LSAMP: variants seen among roughly 807,000 people sequenced by gnomAD.
The protein encoded by LSAMP is limbic system associated membrane protein.
LSAMP carries 7 observed loss-of-function variants against 38.6 expected under a neutral mutation model. That is an observed-to-expected ratio of 0.18 (90% CI 0.10 to 0.34). The LOEUF (loss-of-function observed/expected upper bound fraction) is 0.34, where lower values mean the gene tolerates loss of function less well. LSAMP is among the 10% of genes least tolerant of loss of function. The pLI is 1.00. For missense variants in LSAMP, 313 were observed against 420.0 expected (o/e 0.75, Z 2.23); for synonymous variants, 154 against 166.8 (o/e 0.92, Z 0.59).
At chr3:116,040,676 C>T (rs925408495) in intron 2 of LSAMP, among the ~76,000 whole-genome samples, 7 of 152,206 alleles carry the variant, frequency 4.6e-5, no homozygotes, top group African/African-American at 1.7e-4. Context: ...GGAGGAGTCT[C>T]CCAAGGCAGC....
intron 2 of LSAMP, among the ~76,000 whole-genome samples, chr3:116,023,166 GTC>G (rs202078474): frequency 2.8e-5 from 4 of 143,506 alleles, no homozygotes; most frequent in Non-Finnish European, 6.1e-5. Context: ...ATGTGTGTGT[GTC>G]TCTCTCTCTC....
chr3:116,205,002 A>AT (rs965547025), intron 1 of LSAMP, among the ~76,000 whole-genome samples: 7 of 142,676 alleles, frequency 4.9e-5, no homozygotes, highest in Admixed American at 2.1e-4. Flanking sequence ...CAGTATGGCC[A>AT]TTTTCACGAT....
At chr3:116,072,971 A>G (rs1481392433) in intron 2 of LSAMP, among the ~76,000 whole-genome samples, 1 of 152,000 alleles carries the variant, frequency 6.6e-6, no homozygotes, top group African/African-American at 2.4e-5. Flanking sequence ...TCATCATAAA[A>G]TCTTTGCTTC....
At position 115,818,790 on chromosome 3, in the gene LSAMP, TTATATATATATA is replaced by T. The variant is rs66654115; in HGVS notation, c.920-8388_920-8377del. On this transcript the variant is annotated intron_variant, in intron 6 of 6. Coordinates refer to ENST00000490035, the MANE Select transcript of LSAMP (RefSeq NM_002338.5). ...ATAAGAAAGAAGGAAAGTTGTACTT[TTATATATATATA>T]TATATATATATATATATATAACTGC... 3.6e-3 allele frequency among the ~76,000 whole-genome samples: 254 copies of T among 69,792 alleles called. 15 individuals carry two copies. The highest frequency in any genetic ancestry group is 0.021 in the South Asian group (28 of 1,326). 45.8% of individuals were successfully genotyped at this position (69,792 alleles called of 152,430 possible).
chr3:115,885,550 T>C (rs1406602468), intron 3 of LSAMP, among the ~76,000 whole-genome samples: 1 of 142,106 alleles, frequency 7.0e-6, no homozygotes, highest in Non-Finnish European at 1.5e-5. Context: ...GCTAAAGTCT[T>C]GGGCAGCTGG....
At chr3:115,947,456 A>G (rs563424555) in intron 3 of LSAMP, among the ~76,000 whole-genome samples, 5 of 152,192 alleles carry the variant, frequency 3.3e-5, no homozygotes, top group Non-Finnish European at 5.9e-5. Context: ...AATCTCATTC[A>G]TATTAAAATA....
At chr3:115,869,548 A>T (rs1463206256) in intron 3 of LSAMP, among the ~76,000 whole-genome samples, 1 of 151,994 alleles carries the variant, frequency 6.6e-6, no homozygotes, top group Non-Finnish European at 1.5e-5. Flanking sequence ...ATTAGTAATA[A>T]ATTAAATTTG....
intron 1 of LSAMP, among the ~76,000 whole-genome samples, chr3:116,197,157 ACACACACTCT>A (rs1405263262): frequency 1.3e-5 from 2 of 150,528 alleles, no homozygotes; most frequent in African/African-American, 5.0e-5. Context: ...ACACACACAC[ACACACACTCT>A]CTCTCTCTCT....
intron 3 of LSAMP, among the ~76,000 whole-genome samples, chr3:116,006,783 G>A (rs148297075): frequency 2.0e-3 from 307 of 152,248 alleles, no homozygotes; most frequent in African/African-American, 7.3e-3. Context: ...TTTGTTCCGA[G>A]GTGAAATTCT....
chr3:116,397,143 C>T (rs887809105), intron 1 of LSAMP, among the ~76,000 whole-genome samples: 1 of 152,110 alleles, frequency 6.6e-6, no homozygotes. Context: ...AATTGTAAGT[C>T]TTAATAGGAT....
intron 6 of LSAMP, among the ~76,000 whole-genome samples, chr3:115,829,143 C>G (rs186539579): frequency 1.6e-4 from 24 of 152,140 alleles, no homozygotes; most frequent in African/African-American, 5.5e-4. Context: ...TTGCTAGCAA[C>G]TTTTAGCAGG....
intron 1 of LSAMP, among the ~76,000 whole-genome samples, chr3:116,403,957 T>C (rs1396635120): frequency 6.6e-6 from 1 of 151,040 alleles, no homozygotes; most frequent in Non-Finnish European, 1.5e-5. Flanking sequence ...AGAGACAGAG[T>C]CTCCCTATAT....
intron 3 of LSAMP, among the ~76,000 whole-genome samples, chr3:115,898,617 A>ATATC (rs1354075927): frequency 6.7e-6 from 1 of 149,840 alleles, no homozygotes; most frequent in African/African-American, 2.5e-5. Context: ...ATATATATAT[A>ATATC]TATATATGCA....
intron 3 of LSAMP, among the ~76,000 whole-genome samples, chr3:115,900,795 G>A (rs184094971): frequency 6.6e-6 from 1 of 152,204 alleles, no homozygotes; most frequent in African/African-American, 2.4e-5. Flanking sequence ...TCGCTTTCAG[G>A]TACCTTACTG....
intron 1 of LSAMP, among the ~76,000 whole-genome samples, chr3:116,234,142 C>T (rs2046437514): frequency 6.6e-6 from 1 of 152,214 alleles, no homozygotes; most frequent in Non-Finnish European, 1.5e-5. Context: ...TCTATGCATA[C>T]TCTTCCTGTG....
chr3:115,845,122 G>A (rs1454850423), intron 4 of LSAMP, among the ~76,000 whole-genome samples: 1 of 152,186 alleles, frequency 6.6e-6, no homozygotes, highest in Non-Finnish European at 1.5e-5. Context: ...TGTGATTTCT[G>A]GCTTGGGCAT....
Position 116,304,598 on chromosome 3 carries a change from CAAAAT to C in LSAMP, c.155+140274_155+140278del, listed in dbSNP as rs564988534. ...CACATGTATTCATCCCAAATGAAGA[CAAAAT>C]AAAGGATTTCAAGCAGGTGCATGGA... is the stretch of plus-strand genomic sequence containing the variant. On this transcript the variant is annotated intron_variant, in intron 1 of 6. Transcript: ENST00000490035. 6.6e-4 allele frequency among the ~76,000 whole-genome samples: 100 copies of C among 151,932 alleles called. No homozygotes were observed. In the Middle Eastern group the frequency reaches 0.014, roughly 21 times the overall value.
intron 1 of LSAMP, among the ~76,000 whole-genome samples, chr3:116,198,803 C>T (rs1318552244): frequency 7.4e-6 from 1 of 135,590 alleles, no homozygotes; most frequent in Non-Finnish European, 1.6e-5. Context: ...CTGGACTGGG[C>T]GCAGCGGCTC....
At chr3:116,236,153 C>A (rs890567116) in intron 1 of LSAMP, among the ~76,000 whole-genome samples, 1 of 151,920 alleles carries the variant, frequency 6.6e-6, no homozygotes, top group Admixed American at 6.6e-5. Flanking sequence ...GTAGTGAATC[C>A]ATTTTTTTCA....
Sources: allele counts gnomAD v4.1 joint callset (sites outside exome capture counted in the v4.1 genomes callset), GRCh38; gene constraint gnomAD v4.1.1; transcripts MANE v1.5; gene names NCBI Gene and HGNC (gene_info 2026-07-23, HGNC 2026-07-21).